Variants in PSPH observed in about 807,000 individuals in gnomAD.
PSPH encodes L-3-phosphoserine phosphatase.
A neutral mutation model predicts 23.4 loss-of-function variants in PSPH; 16 were observed. The observed-to-expected ratio is 0.68, with a 90% CI of 0.46 to 1.04. The LOEUF (loss-of-function observed/expected upper bound fraction) is 1.04. PSPH is among the 50% of genes least tolerant of loss of function. PSPH has a pLI of 0.00. For missense variants in PSPH, 223 were observed against 273.7 expected, an observed-to-expected ratio of 0.81 and a Z score of 1.31; for synonymous variants, 68 against 99.7, an observed-to-expected ratio of 0.68 and a Z score of 1.89.
chr7:56,050,369 A>T (rs1793852496), intron 1 of PSPH, among the ~76,000 whole-genome samples: 1 of 151,850 alleles, frequency 6.6e-6, no homozygotes, highest in Non-Finnish European at 1.5e-5. Context: ...AGATTCCAGC[A>T]ATCCTCCCAC....
chr7:56,020,047 T>C (rs1789131155), intron 4 of PSPH, among the ~76,000 whole-genome samples: 2 of 150,776 alleles, frequency 1.3e-5, no homozygotes, highest in African/African-American at 4.9e-5. Context: ...CAAAACCCCA[T>C]CTTTACTAAA....
chr7:56,033,166 T>C (rs1165957357), intron 2 of PSPH: 1 of 151,960 alleles, frequency 6.6e-6, no homozygotes. Context: ...TCATCAAATA[T>C]TTAAAAAGTA....
intron 7 of PSPH, among the ~76,000 whole-genome samples, chr7:56,013,967 A>G (rs1788268338): frequency 6.6e-6 from 1 of 151,956 alleles, no homozygotes; most frequent in South Asian, 2.1e-4. Context: ...GCCTCTACCA[A>G]AAACACAAAA....
At chr7:56,018,843 G>A (rs763678609) in intron 5 of PSPH, among the ~76,000 whole-genome samples, 4 of 150,770 alleles carry the variant, frequency 2.7e-5, no homozygotes, top group African/African-American at 7.3e-5. Context: ...GGTGGCCTAC[G>A]TCTGTAGTCC....
At chr7:56,039,252 A>G (rs1792159716) in intron 1 of PSPH, among the ~76,000 whole-genome samples, 4 of 152,126 alleles carry the variant, frequency 2.6e-5, no homozygotes, top group Admixed American at 2.6e-4. Flanking sequence ...GAAACTTTAA[A>G]AAGAGACTAT....
chr7:56,023,805 A>T (rs1789789838), intron 3 of PSPH, among the ~76,000 whole-genome samples: 1 of 152,230 alleles, frequency 6.6e-6, no homozygotes, highest in Admixed American at 6.5e-5. Flanking sequence ...GACCTGGAAA[A>T]AAAAATATTT....
intron 1 of PSPH, among the ~76,000 whole-genome samples, chr7:56,045,862 GGGTGA>G (rs1462014298): frequency 6.7e-6 from 1 of 149,796 alleles, no homozygotes; most frequent in East Asian, 2.0e-4. Context: ...ACTCTAGCCT[GGGTGA>G]CAGAGCAAGA....
At chr7:56,019,091 C>G (rs1788971871) in intron 5 of PSPH, among the ~76,000 whole-genome samples, 1 of 152,002 alleles carries the variant, frequency 6.6e-6, no homozygotes, top group African/African-American at 2.4e-5. Flanking sequence ...TGTAGTAAGC[C>G]ATGATTATAC....
rs550866209 is a variant in PSPH at position 56,051,403 on chromosome 7, C to T, written c.-557G>A. ...ATCAGACTCGCGTGTGGCCCCACGG[C>T]ACCTAGGGCACCGTCGAGCACACGG... is the stretch of plus-strand genomic sequence containing the variant. On this transcript the variant is annotated 5_prime_UTR_variant, in exon 1 of 8. Transcript: ENST00000275605. 4 of 197,350 alleles carry T rather than the reference C, an allele frequency of 2.0e-5. No individual in the cohort carries two copies. The highest frequency in any genetic ancestry group is 5.8e-5 in the Admixed American group (1 of 17,270). 12.2% of individuals were successfully genotyped at this position (197,350 alleles called of 1,614,324 possible). A position where few individuals can be genotyped will look rare whatever the true frequency, so the allele number is the denominator to read the frequency against.
intron 1 of PSPH, chr7:56,043,394 TG>T (rs1360059987): frequency 1.4e-4 from 22 of 152,168 alleles, no homozygotes. Flanking sequence ...GACTTGAACC[TG>T]TAATCCCAGC....
intron 1 of PSPH, among the ~76,000 whole-genome samples, chr7:56,042,656 GAAA>G (rs35744032): frequency 1.9e-5 from 2 of 107,264 alleles, no homozygotes. Flanking sequence ...GTCTCAGAAG[GAAA>G]AAAAAAAAAA....
intron 2 of PSPH, among the ~76,000 whole-genome samples, chr7:56,032,614 C>G (rs1252947580): frequency 4.3e-5 from 6 of 140,730 alleles, no homozygotes; most frequent in Non-Finnish European, 9.0e-5. Flanking sequence ...GAGCTGAGAT[C>G]GTGCCACTGC....
intron 6 of PSPH, among the ~76,000 whole-genome samples, chr7:56,016,677 T>C (rs1287015005): frequency 6.6e-6 from 1 of 151,626 alleles, no homozygotes; most frequent in Non-Finnish European, 1.5e-5. Flanking sequence ...TTCAAGTGAT[T>C]CTCCTCCCTC....
At chr7:56,015,705 C>T (rs1178670766) in intron 6 of PSPH, among the ~76,000 whole-genome samples, 2 of 152,084 alleles carry the variant, frequency 1.3e-5, no homozygotes, top group African/African-American at 4.8e-5. Context: ...GTTGCCCAGG[C>T]TGGAGTGCAG....
In PSPH at chr7:56,038,337, C is replaced by T. The variant is rs1447837504; in HGVS notation, c.-291-4231G>A. 2.7e-5 allele frequency among the ~76,000 whole-genome samples: 4 copies of T among 150,574 alleles called. No individual in the cohort carries two copies. In the East Asian group the frequency reaches 7.9e-4, roughly 30 times the overall value. On this transcript the variant is annotated intron_variant, in intron 1 of 7. Coordinates refer to ENST00000275605, the MANE Select transcript of PSPH (RefSeq NM_004577.4). ...AGCCGGGCGTAGTGGTGGGCGCCTG[C>T]AGTCCCAGCTACTTGGGAGGCTGAG... is the stretch of plus-strand genomic sequence containing the variant.
intron 3 of PSPH, among the ~76,000 whole-genome samples, chr7:56,024,089 G>A (rs1269530294): frequency 1.3e-5 from 2 of 151,898 alleles, no homozygotes; most frequent in East Asian, 1.9e-4. Flanking sequence ...CACCACGCCC[G>A]GCTAATTTTT....
chr7:56,015,072 A>G lies in PSPH; in HGVS notation c.521T>C (p.Ile174Thr). The change falls in exon 7 of 8, where the codon ATA (isoleucine) becomes ACA (threonine). Residue 174 changes from isoleucine to threonine, a missense_variant. By Grantham distance (89) the Ile-to-Thr change is moderately conservative (BLOSUM62 -1). Coordinates refer to ENST00000275605, the MANE Select transcript of PSPH (RefSeq NM_004577.4). ...TGTGGCACCATCTCCAATCATGATTATTTTCTTAAAATGAAATTTTTCCTT... is the reference window on the plus strand; with the variant it reads ...TGTGGCACCATCTCCAATCATGATTGTTTTCTTAAAATGAAATTTTTCCTT... The part of the protein sequence containing the change: ...LLKEKFHFKK[I>T]IMIGDGATDM... 1 of 1,614,082 alleles carries G rather than the reference A, an allele frequency of 6.2e-7. No individual in the cohort carries two copies. The highest frequency in any genetic ancestry group is 1.3e-5 in the African/African-American group (1 of 75,040).
intron 1 of PSPH, among the ~76,000 whole-genome samples, chr7:56,047,267 C>A (rs1002290866): frequency 2.0e-5 from 3 of 151,626 alleles, no homozygotes; most frequent in African/African-American, 7.3e-5. Context: ...TGGTGCACGT[C>A]TGTAGTCTCA....
chr7:56,017,135 C>T (rs1788664769), intron 6 of PSPH, 99 bp downstream of exon 6: 1 of 1,570,694 alleles, frequency 6.4e-7, no homozygotes, highest in South Asian at 1.1e-5. Flanking sequence ...CAATATTTAA[C>T]TCTGATGTGA....
Sources: gnomAD v4.1 joint callset for allele counts (sites outside exome capture counted in the v4.1 genomes callset) on GRCh38, gnomAD v4.1.1 for gene constraint, MANE v1.5 for transcripts, NCBI Gene and HGNC (gene_info 2026-07-23, HGNC 2026-07-21) for gene names.